The following EPHA6 variants were observed in gnomAD, a reference collection of about 807,000 sequenced individuals.
EPHA6 encodes the protein ephrin type-A receptor 6.
Under a neutral mutation model 112.0 loss-of-function variants are expected in EPHA6, and 50 were observed. The observed-to-expected ratio is 0.45, with a 90% confidence interval of 0.36 to 0.56. The LOEUF (loss-of-function observed/expected upper bound fraction) is 0.56, where lower values mean the gene tolerates loss of function less well. Ranked by LOEUF, EPHA6 falls within the 20% of genes least tolerant of loss-of-function variation. The pLI is 0.00. For missense variants in EPHA6, 1,280 were observed against 1,417.4 expected, an observed-to-expected ratio of 0.90 and a Z score of 1.56; for synonymous variants, 529 against 490.7, an observed-to-expected ratio of 1.08 and a Z score of -1.03.
At chr3:96,888,937 A>G (rs2037792720) in intron 2 of EPHA6, among the ~76,000 whole-genome samples, 1 of 152,148 alleles carries the variant, frequency 6.6e-6, no homozygotes, top group Non-Finnish European at 1.5e-5. Flanking sequence ...TGCCTTTAAC[A>G]GCACCCAAGT....
intron 13 of EPHA6, among the ~76,000 whole-genome samples, chr3:97,635,648 G>C (rs1295902492): frequency 6.6e-6 from 1 of 152,020 alleles, no homozygotes; most frequent in Non-Finnish European, 1.5e-5. Flanking sequence ...GGTGGGAGGA[G>C]TTAGGAGAAG....
At chr3:97,543,653 G>T (rs2092901826) in intron 11 of EPHA6, among the ~76,000 whole-genome samples, 1 of 152,036 alleles carries the variant, frequency 6.6e-6, no homozygotes, top group Admixed American at 6.5e-5. Flanking sequence ...TAGCTTGATG[G>T]GGATGGCATT....
At chr3:97,188,998 A>G (rs2077229628) in intron 3 of EPHA6, among the ~76,000 whole-genome samples, 2 of 151,980 alleles carry the variant, frequency 1.3e-5, no homozygotes, top group South Asian at 2.1e-4. Context: ...TTATAATTTT[A>G]TATTATCTTT....
At chr3:97,675,207 C>G (rs559287398) in intron 14 of EPHA6, among the ~76,000 whole-genome samples, 1 of 152,096 alleles carries the variant, frequency 6.6e-6, no homozygotes, top group East Asian at 1.9e-4. Context: ...GTGTCAGGTG[C>G]GGTAGCTCAT....
intron 1 of EPHA6, among the ~76,000 whole-genome samples, chr3:96,816,773 C>T (rs557672508): frequency 6.6e-6 from 1 of 151,926 alleles, no homozygotes; most frequent in Non-Finnish European, 1.5e-5. Context: ...CCTAAAGTGC[C>T]ATTCTGCCAA....
intron 3 of EPHA6, among the ~76,000 whole-genome samples, chr3:97,036,198 C>A (rs2612279): frequency 0.43 from 65,279 of 151,384 alleles, 16,139 homozygotes; most frequent in African/African-American, 0.69. Context: ...AAACAGACTA[C>A]CATAAAGGGT....
intron 3 of EPHA6, among the ~76,000 whole-genome samples, chr3:97,110,699 A>ATT (rs938476970): frequency 3.3e-5 from 5 of 149,730 alleles, no homozygotes; most frequent in African/African-American, 9.8e-5. Context: ...TAATTTTTGT[A>ATT]TTTTTTTTTA....
At chr3:97,001,573 A>G (rs1395409081) in intron 3 of EPHA6, among the ~76,000 whole-genome samples, 1 of 151,984 alleles carries the variant, frequency 6.6e-6, no homozygotes, top group Non-Finnish European at 1.5e-5. Context: ...CTCCATTATG[A>G]TATTATGAAA....
chr3:96,830,790 A>G (rs1234624769), intron 1 of EPHA6, among the ~76,000 whole-genome samples: 3 of 152,008 alleles, frequency 2.0e-5, no homozygotes, highest in African/African-American at 4.8e-5. Context: ...AATGGGGGGG[A>G]CATTGATCAC....
intron 3 of EPHA6, among the ~76,000 whole-genome samples, chr3:97,191,776 G>C (rs1370962410): frequency 6.6e-6 from 1 of 152,118 alleles, no homozygotes; most frequent in African/African-American, 2.4e-5. Context: ...TTTGCACGTA[G>C]TGCTGAGATA....
chr3:97,470,573 T>C lies in EPHA6; in HGVS notation c.1895-4779T>C, dbSNP rs1034654843. ...ATATGCCTCCATAGAAGAAAATTCTTTGGTTAAAAATAGCCAAATTGCCTT... is the reference window on the plus strand; with the variant it reads ...ATATGCCTCCATAGAAGAAAATTCTCTGGTTAAAAATAGCCAAATTGCCTT... On this transcript the variant is annotated intron_variant, in intron 7 of 17. Transcript: ENST00000389672. 1.8e-4 allele frequency among the ~76,000 whole-genome samples: 27 copies of C among 151,710 alleles called. 1 individual carries two copies. The highest frequency in any genetic ancestry group is 1.5e-5 in the Non-Finnish European group (1 of 67,740).
At chr3:97,191,300 A>G (rs568607122) in intron 3 of EPHA6, among the ~76,000 whole-genome samples, 1 of 152,148 alleles carries the variant, frequency 6.6e-6, no homozygotes, top group South Asian at 2.1e-4. Flanking sequence ...TCATGTATTT[A>G]TCATTTATTT....
At chr3:97,143,522 C>T (rs571518787) in intron 3 of EPHA6, among the ~76,000 whole-genome samples, 1 of 151,650 alleles carries the variant, frequency 6.6e-6, no homozygotes, top group Non-Finnish European at 1.5e-5. Flanking sequence ...TTCCTTCTGT[C>T]GTTTTCCAAA....
intron 1 of EPHA6, among the ~76,000 whole-genome samples, chr3:96,836,405 C>T (rs1034999057): frequency 5.3e-5 from 8 of 152,038 alleles, no homozygotes; most frequent in African/African-American, 1.9e-4. Flanking sequence ...ACAGTTTCCT[C>T]CTTGGTAAAG....
intron 3 of EPHA6, among the ~76,000 whole-genome samples, chr3:96,997,309 T>A (rs538650360): frequency 6.6e-6 from 1 of 152,212 alleles, no homozygotes; most frequent in East Asian, 1.9e-4. Flanking sequence ...ATTCCTTGAA[T>A]AACTTGTTAT....
intron 13 of EPHA6, among the ~76,000 whole-genome samples, chr3:97,637,663 G>A (rs754074412): frequency 6.6e-6 from 1 of 152,004 alleles, no homozygotes; most frequent in Non-Finnish European, 1.5e-5. Context: ...CCTTTGTTTA[G>A]TTGTCCTTCA....
chr3:97,658,238 G>T (rs1025631015), intron 14 of EPHA6, among the ~76,000 whole-genome samples: 1 of 151,350 alleles, frequency 6.6e-6, no homozygotes, highest in Non-Finnish European at 1.5e-5. Context: ...TTTTTCTCTG[G>T]TGCTCCTTTT....
At chr3:97,329,081 C>G (rs1003679584) in intron 5 of EPHA6, among the ~76,000 whole-genome samples, 1 of 151,990 alleles carries the variant, frequency 6.6e-6, no homozygotes, top group African/African-American at 2.4e-5. Context: ...GTTTTTTGTC[C>G]TTGCGATAGT....
At chr3:97,457,566 C>T (rs994633575) in intron 7 of EPHA6, among the ~76,000 whole-genome samples, 149 of 152,052 alleles carry the variant, frequency 9.8e-4, no homozygotes, top group Non-Finnish European at 1.3e-3. Flanking sequence ...AATATAAAAA[C>T]ATCGTTTGAA....
Sources: allele counts gnomAD v4.1 joint callset (sites outside exome capture counted in the v4.1 genomes callset), GRCh38; gene constraint gnomAD v4.1.1; transcripts MANE v1.5; gene names NCBI Gene and HGNC (gene_info 2026-07-23, HGNC 2026-07-21).